The following CLEC3A variants were observed in gnomAD, a reference collection of about 807,000 sequenced individuals.
CLEC3A encodes the protein C-type lectin domain family 3 member A.
CLEC3A carries 28 observed loss-of-function variants against 20.4 expected under a neutral mutation model. That is an observed-to-expected ratio of 1.37 (90% CI 1.02 to 1.88). The LOEUF (loss-of-function observed/expected upper bound fraction) is 1.88, where lower values mean the gene tolerates loss of function less well. Ranked by LOEUF, CLEC3A falls within the 40% of genes most tolerant of loss-of-function variation. The probability of loss-of-function intolerance (pLI) is 0.00; values close to 1 mark genes in which losing one functional copy is unlikely to be tolerated. For missense variants in CLEC3A, 357 were observed against 240.4 expected (o/e 1.48, Z -3.21); for synonymous variants, 110 against 88.1 (o/e 1.25, Z -1.39).
chr16:78,023,025 T>C (rs761178056), intron 1 of CLEC3A, among the ~76,000 whole-genome samples: 5 of 152,332 alleles, frequency 3.3e-5, no homozygotes, highest in African/African-American at 4.8e-5. Context: ...TTAAATAGAA[T>C]GTGCTTCAGA....
chr16:78,025,728 T>C (rs2029894772), intron 1 of CLEC3A, among the ~76,000 whole-genome samples: 1 of 152,232 alleles, frequency 6.6e-6, no homozygotes, highest in Non-Finnish European at 1.5e-5. Flanking sequence ...GAATAAAATA[T>C]GACTTTTCCA....
intron 2 of CLEC3A, chr16:78,028,992 GAC>G: frequency 2.6e-6 from 1 of 380,008 alleles, no homozygotes; most frequent in Admixed American, 3.3e-5. Flanking sequence ...AAAGTTAAAA[GAC>G]AGTCAAATGC....
At chr16:78,030,016 G>A (rs991310165) in intron 2 of CLEC3A, among the ~76,000 whole-genome samples, 1 of 152,004 alleles carries the variant, frequency 6.6e-6, no homozygotes, top group Non-Finnish European at 1.5e-5. Context: ...AGCCGAGTGT[G>A]GTGGCAGGCA....
chr16:78,022,612 G>C lies in CLEC3A; in HGVS notation c.-15G>C, dbSNP rs779739323. 3.7e-6 allele frequency: 6 copies of C among 1,613,660 alleles called. No homozygotes were observed. Among genetic ancestry groups the C allele is most frequent in the East Asian group, 4.5e-5 (2 of 44,856 alleles). ...GGGGGCTGGCAACATGGCTCAGCAG[G>C]CTTGCCCCAGAGCCATGGCAAAGAA... On this transcript the variant is annotated 5_prime_UTR_variant, in exon 1 of 3. Transcript: ENST00000299642.
At chr16:78,029,878 G>GC (rs1312379214) in intron 2 of CLEC3A, among the ~76,000 whole-genome samples, 1 of 152,050 alleles carries the variant, frequency 6.6e-6, no homozygotes, top group Non-Finnish European at 1.5e-5. Flanking sequence ...ATGTGGCTAG[G>GC]CGCAGTGGCT....
In CLEC3A at chr16:78,030,919, A is replaced by G. The variant is rs2030083639; in HGVS notation, c.*78A>G. 1.4e-6 allele frequency: 2 copies of G among 1,457,510 alleles called. No homozygotes were observed. Among genetic ancestry groups the G allele is most frequent in the Admixed American group, 2.4e-5 (1 of 41,512 alleles). 90.3% of individuals were successfully genotyped at this position (1,457,510 alleles called of 1,614,324 possible). A position where few individuals can be genotyped will look rare whatever the true frequency, so the allele number is the denominator to read the frequency against. The stretch of plus-strand genomic sequence containing the variant: ...TGATCTCTAAGATCAAGTAAAAATC[A>G]TAATTTTTACTTATTAAAAAATTGC... On this transcript the variant is annotated 3_prime_UTR_variant, in exon 3 of 3. Transcript: ENST00000299642.
intron 1 of CLEC3A, among the ~76,000 whole-genome samples, chr16:78,026,733 A>C (rs1461014902): frequency 6.6e-6 from 1 of 152,202 alleles, no homozygotes; most frequent in Non-Finnish European, 1.5e-5. Flanking sequence ...GAGAATCCTT[A>C]TTACACCTGA....
intron 1 of CLEC3A, among the ~76,000 whole-genome samples, chr16:78,026,332 G>C (rs1277018995): frequency 1.3e-5 from 2 of 152,180 alleles, no homozygotes; most frequent in African/African-American, 2.4e-5. Flanking sequence ...ACAGAACATA[G>C]ACTTCCTCCA....
intron 1 of CLEC3A, among the ~76,000 whole-genome samples, chr16:78,026,547 G>C (rs971825136): frequency 6.6e-6 from 1 of 152,220 alleles, no homozygotes; most frequent in Non-Finnish European, 1.5e-5. Context: ...CCTTCAGCAG[G>C]TGAATTCAGC....
At chr16:78,026,185 G>C (rs1027627671) in intron 1 of CLEC3A, among the ~76,000 whole-genome samples, 2 of 152,180 alleles carry the variant, frequency 1.3e-5, no homozygotes, top group African/African-American at 4.8e-5. Context: ...AAGTAAAACA[G>C]AGGCAGGGGC....
rs1026163139 is a variant in CLEC3A, at chr16:78,031,382, G to A, written c.*541G>A. ...ATTGCTCCATCTCCTGGTGGGACTT[G>A]TATCTTGTCTGCCATATCAGAACAC... On this transcript the variant is annotated 3_prime_UTR_variant, in exon 3 of 3. Coordinates refer to ENST00000299642, the MANE Select transcript of CLEC3A (RefSeq NM_005752.6). The A allele has an allele frequency of 6.6e-6, 1 of 151,362 alleles. No homozygotes were observed. The highest frequency in any genetic ancestry group is 1.5e-5 in the Non-Finnish European group (1 of 68,020). The allele number at this position is 151,362 out of a possible 1,614,324, so 9.4% of individuals were successfully genotyped here. A position where few individuals can be genotyped will look rare whatever the true frequency, so the allele number is the denominator to read the frequency against.
At chr16:78,023,375 T>C (rs904895665) in intron 1 of CLEC3A, among the ~76,000 whole-genome samples, 3 of 152,144 alleles carry the variant, frequency 2.0e-5, no homozygotes, top group Non-Finnish European at 2.9e-5. Context: ...GGCATTGTGA[T>C]GCAAAACTGA....
chr16:78,023,201 G>A (rs1000826529), intron 1 of CLEC3A, among the ~76,000 whole-genome samples: 1 of 152,174 alleles, frequency 6.6e-6, no homozygotes, highest in African/African-American at 2.4e-5. Flanking sequence ...AGAGATTTTG[G>A]TAATGGTGAC....
chr16:78,029,346 C>A (rs2030016223), intron 2 of CLEC3A, among the ~76,000 whole-genome samples: 1 of 152,144 alleles, frequency 6.6e-6, no homozygotes, highest in South Asian at 2.1e-4. Context: ...TCTCCACATG[C>A]AAAACTAGAA....
chr16:78,031,248 C>G lies in CLEC3A; in HGVS notation c.*407C>G, dbSNP rs1228376507. 1 of 166,238 alleles carries G rather than the reference C, an allele frequency of 6.0e-6. No individual in the cohort carries two copies. The highest frequency in any genetic ancestry group is 1.3e-5 in the Non-Finnish European group (1 of 77,382). The allele number at this position is 166,238 out of a possible 1,614,324, so 10.3% of individuals were successfully genotyped here. A position where few individuals can be genotyped will look rare whatever the true frequency, so the allele number is the denominator to read the frequency against. ...GCGTATGTTTGACTAACAAAAATTC[C>G]CTACATCAGAGACTCTAGGTGCTAT... On this transcript the variant is annotated 3_prime_UTR_variant, in exon 3 of 3. Transcript: ENST00000299642.
Position 78,027,642 on chromosome 16 carries a change from T to C in CLEC3A, c.116-465T>C, listed in dbSNP as rs563305110. ...TTTTTTTCCTTCCTTCTTTCCTTCATTCATTGTTTTTTTGTTTGTTTGGTT... is the reference window on the plus strand; with the variant it reads ...TTTTTTTCCTTCCTTCTTTCCTTCACTCATTGTTTTTTTGTTTGTTTGGTT... On this transcript the variant is annotated intron_variant, in intron 1 of 2. Coordinates refer to ENST00000299642, the MANE Select transcript of CLEC3A (RefSeq NM_005752.6). Among the ~76,000 whole-genome samples the C allele has an allele frequency of 9.2e-5, 14 of 152,268 alleles. 1 individual carries two copies. Among genetic ancestry groups the C allele is most frequent in the Admixed American group, 7.9e-4 (12 of 15,284 alleles).
chr16:78,024,182 G>C (rs1164572522), intron 1 of CLEC3A, among the ~76,000 whole-genome samples: 1 of 152,186 alleles, frequency 6.6e-6, no homozygotes, highest in African/African-American at 2.4e-5. Context: ...AAAGGAGAGG[G>C]GAGAGAGAAG....
At chr16:78,030,319 A>T in intron 2 of CLEC3A, 128 bp from the exon 3 acceptor site, 1 of 851,520 alleles carries the variant, frequency 1.2e-6, no homozygotes, top group Non-Finnish European at 1.8e-6. Context: ...GCACATAGAA[A>T]ATTTTAACTG....
chr16:78,027,573 A>G (rs2142591462), intron 1 of CLEC3A, among the ~76,000 whole-genome samples: 1 of 152,320 alleles, frequency 6.6e-6, no homozygotes, highest in African/African-American at 2.4e-5. Flanking sequence ...TATGATTGCC[A>G]TGAAGCTCTT....
Sources: gnomAD v4.1 joint callset for allele counts (sites outside exome capture counted in the v4.1 genomes callset) on GRCh38, gnomAD v4.1.1 for gene constraint, MANE v1.5 for transcripts, NCBI Gene and HGNC (gene_info 2026-07-23, HGNC 2026-07-21) for gene names.